Variants in ADAMTS6 observed in about 807,000 individuals in gnomAD.
The protein encoded by ADAMTS6 is A disintegrin and metalloproteinase with thrombospondin motifs 6.
In ADAMTS6, 23 loss-of-function variants were observed where a neutral mutation model predicts 144.3. The observed-to-expected ratio is 0.16, with a 90% CI of 0.11 to 0.23. The LOEUF (loss-of-function observed/expected upper bound fraction) is 0.23, where lower values mean the gene tolerates loss of function less well. ADAMTS6 is among the 10% of genes least tolerant of loss of function. The pLI is 1.00. For synonymous variants in ADAMTS6, 444 were observed against 457.5 expected (o/e 0.97, Z 0.38); for missense variants, 999 against 1,379.6 (o/e 0.72, Z 4.37).
At chr5:65,477,052 A>G (rs11740656) in intron 1 of ADAMTS6, among the ~76,000 whole-genome samples, 6,953 of 152,334 alleles carry the variant, frequency 0.046, 197 homozygotes, top group Non-Finnish European at 0.068. Flanking sequence ...AAAAATTTAT[A>G]GAGAGATTAA....
Position 65,265,381 on chromosome 5 carries a change from T to TGAA in ADAMTS6, c.1621-2422_1621-2420dup, listed in dbSNP as rs557172961. ...AACTTACGACTTAGCTAGTTGGTCT[T>TGAA]GAAGAACAATTTTTATAGTGATATG... On this transcript the variant is annotated intron_variant, in intron 12 of 24. Coordinates refer to ENST00000381055, the MANE Select transcript of ADAMTS6 (RefSeq NM_197941.4). Among the ~76,000 whole-genome samples, 5 of 152,184 alleles carry TGAA rather than the reference T, an allele frequency of 3.3e-5. No individual in the cohort carries two copies. In the East Asian group the frequency reaches 9.6e-4, roughly 29 times the overall value.
intron 14 of ADAMTS6, among the ~76,000 whole-genome samples, chr5:65,244,248 G>T (rs528487158): frequency 6.6e-6 from 1 of 152,064 alleles, no homozygotes; most frequent in South Asian, 2.1e-4. Flanking sequence ...GTTGGAAAAA[G>T]GCCAAGCTAG....
chr5:65,208,581 A>T (rs1756281920), intron 20 of ADAMTS6, among the ~76,000 whole-genome samples: 1 of 152,176 alleles, frequency 6.6e-6, no homozygotes, highest in Admixed American at 6.5e-5. Context: ...GTCACTAGAG[A>T]CTAAGTTGCT....
chr5:65,342,480 G>A lies in ADAMTS6; in HGVS notation c.1074-8395C>T, dbSNP rs545924931. 9.2e-5 allele frequency among the ~76,000 whole-genome samples: 14 copies of A among 152,216 alleles called. 1 individual carries two copies. In the South Asian group the frequency reaches 2.5e-3, roughly 27 times the overall value. On this transcript the variant is annotated intron_variant, in intron 7 of 24. Coordinates refer to ENST00000381055, the MANE Select transcript of ADAMTS6 (RefSeq NM_197941.4). ...CCACCGGGTCCCTCCCACAACATGTGGGAATTGTGGGAGCTAAAATTCAAG... is the reference window on the plus strand; with the variant it reads ...CCACCGGGTCCCTCCCACAACATGTAGGAATTGTGGGAGCTAAAATTCAAG...
chr5:65,252,565 T>C (rs1311395373), intron 14 of ADAMTS6, among the ~76,000 whole-genome samples: 1 of 150,574 alleles, frequency 6.6e-6, no homozygotes, highest in African/African-American at 2.4e-5. Flanking sequence ...TTAAATTATA[T>C]ATATTTATAT....
chr5:65,473,091 T>C (rs1760587893), intron 2 of ADAMTS6, among the ~76,000 whole-genome samples: 1 of 152,122 alleles, frequency 6.6e-6, no homozygotes, highest in Non-Finnish European at 1.5e-5. Flanking sequence ...ATGTGAAAAG[T>C]TGCACTTCTT....
At chr5:65,288,597 C>A (rs976314319) in intron 11 of ADAMTS6, among the ~76,000 whole-genome samples, 2 of 152,068 alleles carry the variant, frequency 1.3e-5, no homozygotes, top group African/African-American at 4.8e-5. Context: ...GGATTACAGG[C>A]GTGAGCCACC....
intron 11 of ADAMTS6, among the ~76,000 whole-genome samples, chr5:65,280,584 C>T: frequency 6.6e-6 from 1 of 152,278 alleles, no homozygotes; most frequent in African/African-American, 2.4e-5. Context: ...AACATTCACA[C>T]ATGAAAAAAA....
At chr5:65,158,023 A>T (rs1293196820) in intron 24 of ADAMTS6, among the ~76,000 whole-genome samples, 2 of 152,032 alleles carry the variant, frequency 1.3e-5, no homozygotes, top group Non-Finnish European at 2.9e-5. Context: ...TATTCCCTGG[A>T]TGCCACCCAC....
In ADAMTS6 at chr5:65,352,515, G is replaced by A. The variant is rs546425678; in HGVS notation, c.1074-18430C>T. Reference sequence around the variant, plus strand: ...CCATAATTATATACTATAATACTTCGGTAAAAAAAAATTTTAACAAAGAAA... The same window carrying A: ...CCATAATTATATACTATAATACTTCAGTAAAAAAAAATTTTAACAAAGAAA... On this transcript the variant is annotated intron_variant, in intron 7 of 24. Coordinates refer to ENST00000381055, the MANE Select transcript of ADAMTS6 (RefSeq NM_197941.4). Among the ~76,000 whole-genome samples, 3 of 150,940 alleles carry A rather than the reference G, an allele frequency of 2.0e-5. No homozygotes were observed. In the South Asian group the frequency reaches 6.2e-4, roughly 31 times the overall value.
chr5:65,262,675 C>A, intron 13 of ADAMTS6, 142 bp downstream of exon 13: 1 of 929,604 alleles, frequency 1.1e-6, no homozygotes, highest in Middle Eastern at 3.6e-4. Flanking sequence ...AGCTCCTCCA[C>A]TTTCCTGTGC....
rs1305712832 is a variant in ADAMTS6, at chr5:65,236,321, C to G, written c.1933+5783G>C. ...CTCTAATCTTTTTCTTTCTTTTTTT[C>G]TAAGACAGGATCTCACTCTACAGTG... is the stretch of plus-strand genomic sequence containing the variant. On this transcript the variant is annotated intron_variant, in intron 15 of 24. Coordinates refer to ENST00000381055, the MANE Select transcript of ADAMTS6 (RefSeq NM_197941.4). Among the ~76,000 whole-genome samples, 4 of 151,942 alleles carry G rather than the reference C, an allele frequency of 2.6e-5. No homozygotes were observed. The East Asian group carries it at 7.7e-4, about 29-fold the overall frequency.
At chr5:65,420,647 C>T (rs1203098783) in intron 7 of ADAMTS6, among the ~76,000 whole-genome samples, 1 of 118,664 alleles carries the variant, frequency 8.4e-6, no homozygotes, top group African/African-American at 4.2e-5. Flanking sequence ...TCCCAAAGTG[C>T]TGGGATTACA....
chr5:65,364,510 T>G (rs953247117), intron 7 of ADAMTS6, among the ~76,000 whole-genome samples: 2 of 151,948 alleles, frequency 1.3e-5, no homozygotes, highest in Non-Finnish European at 2.9e-5. Flanking sequence ...CAGTAAAGCT[T>G]TCCTGCTGCC....
chr5:65,201,965 G>GA (rs1755768842), intron 20 of ADAMTS6, among the ~76,000 whole-genome samples: 1 of 151,936 alleles, frequency 6.6e-6, no homozygotes, highest in Non-Finnish European at 1.5e-5. Context: ...CAAGTGCCAG[G>GA]AAAAAAAATG....
At chr5:65,407,688 A>T (rs1400734008) in intron 7 of ADAMTS6, among the ~76,000 whole-genome samples, 6 of 152,032 alleles carry the variant, frequency 3.9e-5, no homozygotes, top group Non-Finnish European at 5.9e-5. Flanking sequence ...TTATGGCTGC[A>T]CAGTATTCCA....
chr5:65,369,217 C>G (rs1319559575), intron 7 of ADAMTS6, among the ~76,000 whole-genome samples: 1 of 152,118 alleles, frequency 6.6e-6, no homozygotes, highest in Non-Finnish European at 1.5e-5. Flanking sequence ...CTCTAAAAAG[C>G]AAACCCTAAT....
At chr5:65,176,204 G>T (rs948703824) in intron 22 of ADAMTS6, among the ~76,000 whole-genome samples, 1 of 152,036 alleles carries the variant, frequency 6.6e-6, no homozygotes, top group African/African-American at 2.4e-5. Context: ...GTTATTTAAA[G>T]AAATAAATGT....
intron 9 of ADAMTS6, among the ~76,000 whole-genome samples, chr5:65,302,133 C>T (rs1237764030): frequency 2.1e-5 from 3 of 139,606 alleles, no homozygotes; most frequent in Admixed American, 7.4e-5. Context: ...TATATATGCA[C>T]ATATAATATA....
Sources: allele counts gnomAD v4.1 joint callset (sites outside exome capture counted in the v4.1 genomes callset), GRCh38; gene constraint gnomAD v4.1.1; transcripts MANE v1.5; gene names NCBI Gene and HGNC (gene_info 2026-07-23, HGNC 2026-07-21).